The following NEK8 variants were observed in gnomAD, a reference collection of about 807,000 sequenced individuals.
The protein encoded by NEK8 is NIMA related kinase 8, also known as serine/threonine-protein kinase Nek8.
Under a neutral mutation model 77.2 loss-of-function variants are expected in NEK8, and 51 were observed. That is an observed-to-expected ratio of 0.66 (90% CI 0.53 to 0.83). The LOEUF (loss-of-function observed/expected upper bound fraction) is 0.83, where lower values mean the gene tolerates loss of function less well. Among genes scored for constraint, NEK8 ranks in the 40% least tolerant of loss-of-function variants. The pLI is 0.00. For missense variants in NEK8, 787 were observed against 909.2 expected (o/e 0.87, Z 1.73); for synonymous variants, 365 against 363.2 (o/e 1.00, Z -0.06).
chr17:28,737,586 G>A lies in NEK8; in HGVS notation c.827+72G>A. 6.2e-7 allele frequency: 1 copy of A among 1,613,578 alleles called. No individual in the cohort carries two copies. Among genetic ancestry groups the A allele is most frequent in the South Asian group, 1.1e-5 (1 of 91,036 alleles). On this transcript the variant is annotated intron_variant, in intron 5 of 14. Coordinates refer to ENST00000268766, the MANE Select transcript of NEK8 (RefSeq NM_178170.3). The surrounding 1 kb of genome is among the most constrained non-coding windows in gnomAD (Gnocchi z 4.8). ...CCCAGTGGGAGCACAGGAGGTCTGA[G>A]GCAGAGGGAAACCTGGGGCAAGTCC...
chr17:28,741,209 G>A lies in NEK8; in HGVS notation c.1864G>A (p.Asp622Asn). The change falls in exon 13 of 15, where the codon GAT (aspartate) becomes AAT (asparagine). Residue 622 changes from aspartate to asparagine, a missense_variant. By Grantham distance (23) the Asp-to-Asn change is conservative (BLOSUM62 1). Coordinates refer to ENST00000268766, the MANE Select transcript of NEK8 (RefSeq NM_178170.3). This position sits in a 1 kb window ranked among gnomAD's most constrained non-coding sequence, Gnocchi z 4.5. ...GIKMAMVACG[D>N]AFTVAIGAES... is the part of the protein sequence containing the mutation. ...CAAGATGGCAATGGTAGCCTGTGGG[G>A]ATGCCTTCACTGTAGCTATTGGGGC... 6 of 1,611,450 alleles carry A rather than the reference G, an allele frequency of 3.7e-6. No individual in the cohort carries two copies. The highest frequency in any genetic ancestry group is 4.2e-6 in the Non-Finnish European group (5 of 1,178,506).
Position 28,737,234 on chromosome 17 carries a change from C to T in NEK8, c.619-72C>T. The T allele has an allele frequency of 6.7e-7, 1 of 1,482,996 alleles. No individual in the cohort carries two copies. Among genetic ancestry groups the T allele is most frequent in the East Asian group, 2.4e-5 (1 of 40,942 alleles). 91.9% of individuals were successfully genotyped at this position (1,482,996 alleles called of 1,614,324 possible). ...CCTCCAGGCAAAGCTGTTATTATCC[C>T]AGGAGACCAGGGGCTGGAGCTGGGG... On this transcript the variant is annotated intron_variant, in intron 4 of 14. Transcript: ENST00000268766. The surrounding 1 kb of genome is among the most constrained non-coding windows in gnomAD (Gnocchi z 4.8).
rs2034348790 is a variant in NEK8 at position 28,734,996 on chromosome 17, G to T, written c.478G>T (p.Ala160Ser). 1.9e-6 allele frequency: 3 copies of T among 1,610,724 alleles called. No individual in the cohort carries two copies. The highest frequency in any genetic ancestry group is 2.5e-6 in the Non-Finnish European group (3 of 1,178,918). ...ISKILSSKSK[A>S]YTVVGTPCYI... ...CAAGATCCTTAGCAGCAAGAGCAAG[G>T]CCTACACGGTGCCTGGGCATGGAAG... is the stretch of plus-strand genomic sequence containing the variant. The change falls in exon 3 of 15, where the codon GCC becomes TCC. Residue 160 changes from alanine to serine, a missense_variant. Physicochemically the swap from Ala to Ser is moderately conservative, Grantham distance 99. Transcript: ENST00000268766.
intron 2 of NEK8, chr17:28,734,441 C>T (rs935208739): frequency 7.0e-6 from 4 of 573,062 alleles, no homozygotes; most frequent in Admixed American, 3.0e-5. Context: ...AGGCCAACGC[C>T]GAGGCGGGCG....
Position 28,740,928 on chromosome 17 carries a change from G to A in NEK8, c.1675G>A (p.Asp559Asn), listed in dbSNP as rs992428098. 1.2e-6 allele frequency: 2 copies of A among 1,614,116 alleles called. No individual in the cohort carries two copies. Among genetic ancestry groups the A allele is most frequent in the Non-Finnish European group, 1.7e-6 (2 of 1,180,024 alleles). The change falls in exon 12 of 15, where the codon GAC (aspartate) becomes AAC (asparagine). Residue 559 changes from aspartate to asparagine, a missense_variant. By Grantham distance (23) the Asp-to-Asn change is conservative. Around this residue, in one of 2 missense-constraint regions of NEK8, gnomAD observed 516 missense variants for 544.0 expected, o/e 0.95. Coordinates refer to ENST00000268766, the MANE Select transcript of NEK8 (RefSeq NM_178170.3). This position sits in a 1 kb window ranked among gnomAD's most constrained non-coding sequence, Gnocchi z 4.7. ...CACACTACTAGGCTCTGCACCCCTG[G>A]ACCAGGAGCCTCTGCTGAGTATAGA... ...SFTLLGSAPLDQEPLLSIDLG... is the reference protein window; with the variant it reads ...SFTLLGSAPLNQEPLLSIDLG...
At position 28,742,465 on chromosome 17, in the gene NEK8, G is replaced by C. The variant is rs930800533; in HGVS notation, c.*478G>C. 9.0e-6 allele frequency: 2 copies of C among 223,164 alleles called. No individual in the cohort carries two copies. The highest frequency in any genetic ancestry group is 1.8e-5 in the Non-Finnish European group (2 of 109,074). 13.8% of individuals were successfully genotyped at this position (223,164 alleles called of 1,614,324 possible). A position where few individuals can be genotyped will look rare whatever the true frequency, so the allele number is the denominator to read the frequency against. On this transcript the variant is annotated 3_prime_UTR_variant, in exon 15 of 15. Transcript: ENST00000268766. ...AAAAATTAGCTGGGCGTGGTGGCACGCGCCTGTAGTCCCAGCTGCTCAGGA... is the reference window on the plus strand; with the variant it reads ...AAAAATTAGCTGGGCGTGGTGGCACCCGCCTGTAGTCCCAGCTGCTCAGGA...
intron 8 of NEK8, 93 bp downstream of exon 8, chr17:28,738,338 T>G: frequency 7.1e-7 from 1 of 1,417,386 alleles, no homozygotes; most frequent in Non-Finnish European, 9.9e-7. Flanking sequence ...AATGAATGCT[T>G]CTGTCTACTA....
In NEK8 at chr17:28,741,830, G is replaced by C; in HGVS notation, c.2051-129G>C. ...CTTTCTCCTACTGCTGAGTCCCGTTGATGCTGAAACTCTCTTTCTGGCCTA... is the reference window on the plus strand; with the variant it reads ...CTTTCTCCTACTGCTGAGTCCCGTTCATGCTGAAACTCTCTTTCTGGCCTA... On this transcript the variant is annotated intron_variant, in intron 14 of 14. Transcript: ENST00000268766. The surrounding 1 kb of genome is among the most constrained non-coding windows in gnomAD (Gnocchi z 4.5). 9.5e-7 allele frequency: 1 copy of C among 1,051,242 alleles called. No individual in the cohort carries two copies. Among genetic ancestry groups the C allele is most frequent in the Non-Finnish European group, 1.5e-6 (1 of 671,990 alleles). The allele number at this position is 1,051,242 out of a possible 1,614,324, so 65.1% of individuals were successfully genotyped here. A position where few individuals can be genotyped will look rare whatever the true frequency, so the allele number is the denominator to read the frequency against.
rs2034424705 is a variant in NEK8, at chr17:28,741,676, C to T, written c.2050+105C>T. On this transcript the variant is annotated intron_variant, in intron 14 of 14. Coordinates refer to ENST00000268766, the MANE Select transcript of NEK8 (RefSeq NM_178170.3). The surrounding 1 kb of genome is among the most constrained non-coding windows in gnomAD (Gnocchi z 4.5). ...GCCACATCACCAAAAGCATCTTTAG[C>T]CCCCAGATAAAAAAAGCAGAAGCTG... 3.0e-6 allele frequency: 4 copies of T among 1,352,944 alleles called. No individual in the cohort carries two copies. The highest frequency in any genetic ancestry group is 1.7e-5 in the Admixed American group (1 of 59,242). 83.8% of individuals were successfully genotyped at this position (1,352,944 alleles called of 1,614,324 possible).
At chr17:28,735,777 TTTA>T (rs148656691) in intron 4 of NEK8, among the ~76,000 whole-genome samples, 15,243 of 151,706 alleles carry the variant, frequency 0.1, 799 homozygotes, top group South Asian at 0.15. Context: ...TGTTTATTTA[TTTA>T]TTTTTTTTAT....
At chr17:28,731,634 C>T (rs1300332953) in intron 1 of NEK8, among the ~76,000 whole-genome samples, 1 of 151,198 alleles carries the variant, frequency 6.6e-6, no homozygotes, top group Non-Finnish European at 1.5e-5. Flanking sequence ...GACAGAGTCT[C>T]GCTCTGTCAC....
intron 8 of NEK8, among the ~76,000 whole-genome samples, 194 bp from the exon 9 acceptor site, chr17:28,738,477 G>T (rs1046057377): frequency 6.6e-6 from 1 of 152,132 alleles, no homozygotes. Flanking sequence ...GGACGCTAAG[G>T]CTCAGAGAGG....
chr17:28,738,617 G>A (rs1426242335), intron 8 of NEK8, 54 bp from the exon 9 acceptor site: 2 of 1,537,528 alleles, frequency 1.3e-6, no homozygotes, highest in East Asian at 2.2e-5. Context: ...CGGGCTATCT[G>A]GAAAGACTGT....
At position 28,734,089 on chromosome 17, in the gene NEK8, T is replaced by G; in HGVS notation, c.154T>G (p.Cys52Gly). ...AGAGCGGCAGGCAGCCCAGAATGAG[T>G]GCCAGGTCCTCAAGCTGCTCAACCA... ...KEERQAAQNE[C>G]QVLKLLNHPN... The change falls in exon 2 of 15, where the codon TGC becomes GGC. Residue 52 changes from cysteine to glycine, a missense_variant. Cys to Gly is a radical substitution (Grantham distance 159). Around this residue, in one of 2 missense-constraint regions of NEK8, gnomAD observed 271 missense variants for 365.1 expected, o/e 0.74. Transcript: ENST00000268766. The G allele has an allele frequency of 6.2e-7, 1 of 1,613,520 alleles. No homozygotes were observed. The highest frequency in any genetic ancestry group is 8.5e-7 in the Non-Finnish European group (1 of 1,179,786).
chr17:28,736,985 A>G (rs1232277814), intron 4 of NEK8, among the ~76,000 whole-genome samples: 2 of 152,246 alleles, frequency 1.3e-5, no homozygotes, highest in African/African-American at 4.8e-5. Flanking sequence ...AGCTTTCTAC[A>G]TATGGCTAGC....
chr17:28,734,733 T>G, intron 2 of NEK8, 39 bp from the exon 3 acceptor site: 151 of 1,413,246 alleles, frequency 1.1e-4, no homozygotes, highest in Non-Finnish European at 1.4e-4. Flanking sequence ...GTCGTAGGTG[T>G]GAGAAAGCCT....
chr17:28,734,550 G>A, intron 2 of NEK8: 1 of 587,272 alleles, frequency 1.7e-6, no homozygotes, highest in South Asian at 2.1e-5. Context: ...CGGGTGTGGT[G>A]GCAGGCACCT....
chr17:28,735,401 TGA>T, intron 4 of NEK8, 30 bp downstream of exon 4: 1 of 1,609,164 alleles, frequency 6.2e-7, no homozygotes, highest in Non-Finnish European at 8.5e-7. Flanking sequence ...AGGGGACAAC[TGA>T]GAAATCTACT....
At chr17:28,731,034 C>A (rs1270699360) in intron 1 of NEK8, among the ~76,000 whole-genome samples, 1 of 152,080 alleles carries the variant, frequency 6.6e-6, no homozygotes, top group African/African-American at 2.4e-5. Context: ...GGTTGGATCA[C>A]CTGAGGTCAA....
Sources: allele counts gnomAD v4.1 joint callset (sites outside exome capture counted in the v4.1 genomes callset), GRCh38; gene constraint gnomAD v4.1.1; regional missense constraint gnomAD v4.1.1; non-coding constraint Gnocchi (gnomAD v3.1); transcripts MANE v1.5; gene names NCBI Gene and HGNC (gene_info 2026-07-23, HGNC 2026-07-21).